Variants in ZBTB44 observed in about 807,000 individuals in gnomAD.
ZBTB44 encodes the protein zinc finger and BTB domain containing 44, also known as zinc finger and BTB domain-containing protein 44.
In ZBTB44, 15 loss-of-function variants were observed where a neutral mutation model predicts 54.0. That is an observed-to-expected ratio of 0.28 (90% confidence interval 0.19 to 0.43). ZBTB44 has a LOEUF of 0.43. Among genes scored for constraint, ZBTB44 ranks in the 20% least tolerant of loss-of-function variants. The probability of loss-of-function intolerance (pLI) is 1.00; values close to 1 mark genes in which losing one functional copy is unlikely to be tolerated. For synonymous variants in ZBTB44, 230 were observed against 250.1 expected (o/e 0.92, Z 0.76); for missense variants, 487 against 707.1 (o/e 0.69, Z 3.53).
chr11:130,307,029 A>G (rs1942304331), intron 1 of ZBTB44, among the ~76,000 whole-genome samples: 2 of 151,314 alleles, frequency 1.3e-5, no homozygotes, highest in Middle Eastern at 3.4e-3. Context: ...CTGCACCCCC[A>G]AAACTATCAA....
intron 1 of ZBTB44, among the ~76,000 whole-genome samples, chr11:130,287,003 A>G (rs1438243436): frequency 6.6e-6 from 1 of 152,204 alleles, no homozygotes; most frequent in Non-Finnish European, 1.5e-5. Flanking sequence ...CTGAATGTCA[A>G]TTCTGGGCTT....
chr11:130,310,473 C>A (rs1942527542), intron 1 of ZBTB44: 1 of 147,716 alleles, frequency 6.8e-6, no homozygotes, highest in Admixed American at 6.7e-5. Flanking sequence ...AATCCCCCGT[C>A]TTTAAAAAAA....
In ZBTB44 at chr11:130,230,081, GTC is replaced by G. The variant is rs1013315211; in HGVS notation, c.*1681_*1682del. The stretch of plus-strand genomic sequence containing the variant: ...TTAGGATTATTCATTCAAGTAATAA[GTC>G]TCTGTTACAGAATTGCCACATTATA... On this transcript the variant is annotated 3_prime_UTR_variant, in exon 8 of 8. Coordinates refer to ENST00000357899, the MANE Select transcript of ZBTB44 (RefSeq NM_001301098.2). 2.4e-4 allele frequency: 37 copies of G among 152,130 alleles called. No homozygotes were observed. Among genetic ancestry groups the G allele is most frequent in the African/African-American group, 8.2e-4 (34 of 41,554 alleles). 9.4% of individuals were successfully genotyped at this position (152,130 alleles called of 1,614,324 possible). A position where few individuals can be genotyped will look rare whatever the true frequency, so the allele number is the denominator to read the frequency against.
intron 1 of ZBTB44, among the ~76,000 whole-genome samples, chr11:130,304,411 A>T (rs966734816): frequency 6.6e-6 from 1 of 152,184 alleles, no homozygotes; most frequent in Non-Finnish European, 1.5e-5. Flanking sequence ...TATTGGAAGG[A>T]GCTTAATTAG....
At position 130,244,739 on chromosome 11, in the gene ZBTB44, C is replaced by T. The variant is rs115295024; in HGVS notation, c.1019-4843G>A. Reference sequence around the variant, plus strand: ...TTGTACACCACTACATACATGTGAACATTTAATAAGTATCATCTGCTAATG... The same window carrying T: ...TTGTACACCACTACATACATGTGAATATTTAATAAGTATCATCTGCTAATG... On this transcript the variant is annotated intron_variant, in intron 2 of 7. Coordinates refer to ENST00000357899, the MANE Select transcript of ZBTB44 (RefSeq NM_001301098.2). 5.2e-3 allele frequency among the ~76,000 whole-genome samples: 785 copies of T among 150,058 alleles called. 12 individuals are homozygous for T. The highest frequency in any genetic ancestry group is 0.018 in the African/African-American group (754 of 40,880).
Position 130,291,894 on chromosome 11 carries a change from G to C in ZBTB44, c.-57+22481C>G, listed in dbSNP as rs536000771. Among the ~76,000 whole-genome samples the C allele has an allele frequency of 5.9e-5, 9 of 152,232 alleles. No individual in the cohort carries two copies. The South Asian group carries it at 8.3e-4, about 14-fold the overall frequency. On this transcript the variant is annotated intron_variant, in intron 1 of 7. Coordinates refer to ENST00000357899, the MANE Select transcript of ZBTB44 (RefSeq NM_001301098.2). The stretch of plus-strand genomic sequence containing the variant: ...TATATCACCACCACAATCAAGATAA[G>C]GAATACTGCCACAATTTCTGTAAGT...
intron 2 of ZBTB44, among the ~76,000 whole-genome samples, chr11:130,249,329 G>A (rs1937798172): frequency 6.6e-6 from 1 of 152,176 alleles, no homozygotes; most frequent in South Asian, 2.1e-4. Context: ...TGGTAGTTTA[G>A]TAAAAACTTG....
chr11:130,301,647 G>A (rs148672570), intron 1 of ZBTB44, among the ~76,000 whole-genome samples: 6 of 152,224 alleles, frequency 3.9e-5, no homozygotes, highest in African/African-American at 1.2e-4. Flanking sequence ...CTGGGCAATT[G>A]AGCCAGATTC....
In ZBTB44 at chr11:130,230,635, T is replaced by C. The variant is rs1259559469; in HGVS notation, c.*1129A>G. 4.6e-5 allele frequency: 7 copies of C among 151,496 alleles called. No homozygotes were observed. The highest frequency in any genetic ancestry group is 1.0e-4 in the Non-Finnish European group (7 of 67,794). The allele number at this position is 151,496 out of a possible 1,614,324, so 9.4% of individuals were successfully genotyped here. On this transcript the variant is annotated 3_prime_UTR_variant, in exon 8 of 8. Transcript: ENST00000357899. ...AACTAATTACTTGAAATAAAAAGAT[T>C]ACTTGAAATTCAAATTAAGAAAAAT...
In ZBTB44 at chr11:130,261,058, A is replaced by C. The variant is rs1056671730; in HGVS notation, c.816T>G (p.Cys272Trp). 5.0e-6 allele frequency: 8 copies of C among 1,613,874 alleles called. No homozygotes were observed. Among genetic ancestry groups the C allele is most frequent in the Non-Finnish European group, 6.8e-6 (8 of 1,179,886 alleles). The change falls in exon 2 of 8, where the codon TGT becomes TGG. Residue 272 changes from cysteine to tryptophan, a missense_variant. Coordinates refer to ENST00000357899, the MANE Select transcript of ZBTB44 (RefSeq NM_001301098.2). This position sits in a 1 kb window ranked among gnomAD's most constrained non-coding sequence, Gnocchi z 4.8. ...TGRRMADYVT[C>W]ESTKTTLPLG... ...AAGGCAAGGTAGTTTTTGTGCTCTC[A>C]CAAGTCACATAATCAGCCATTCTTC...
At chr11:130,302,502 C>T (rs752437560) in intron 1 of ZBTB44, among the ~76,000 whole-genome samples, 14 of 152,074 alleles carry the variant, frequency 9.2e-5, no homozygotes, top group East Asian at 3.9e-4. Context: ...CAAAAGAAAC[C>T]GTCCTGATTC....
At chr11:130,266,199 T>C (rs1344082979) in intron 1 of ZBTB44, among the ~76,000 whole-genome samples, 1 of 152,252 alleles carries the variant, frequency 6.6e-6, no homozygotes, top group East Asian at 1.9e-4. Context: ...CAATCTATTC[T>C]GCCTGTGCTC....
chr11:130,249,734 C>T (rs1254543652), intron 2 of ZBTB44, among the ~76,000 whole-genome samples: 1 of 152,238 alleles, frequency 6.6e-6, no homozygotes, highest in Non-Finnish European at 1.5e-5. Context: ...GGCCCAGATA[C>T]TACGCTTTTC....
intron 2 of ZBTB44, among the ~76,000 whole-genome samples, chr11:130,259,912 CTG>C (rs929401629): frequency 1.3e-5 from 2 of 151,256 alleles, no homozygotes; most frequent in East Asian, 1.9e-4. Context: ...TGTAACAAAA[CTG>C]AACGTTCTGC....
At chr11:130,259,462 C>A (rs1414466216) in intron 2 of ZBTB44, among the ~76,000 whole-genome samples, 1 of 152,190 alleles carries the variant, frequency 6.6e-6, no homozygotes, top group African/African-American at 2.4e-5. Flanking sequence ...GGTATACACC[C>A]AAAGGATTAT....
intron 1 of ZBTB44, among the ~76,000 whole-genome samples, chr11:130,284,008 C>G (rs1439892633): frequency 8.3e-6 from 1 of 121,078 alleles, no homozygotes; most frequent in African/African-American, 3.6e-5. Flanking sequence ...AGGCAAGCAG[C>G]TGGGCACGGT....
intron 1 of ZBTB44, among the ~76,000 whole-genome samples, chr11:130,280,330 G>C (rs1409488900): frequency 1.3e-5 from 2 of 152,150 alleles, no homozygotes; most frequent in African/African-American, 2.4e-5. Context: ...ACGTTAAAGG[G>C]GAAAGGTTGG....
intron 1 of ZBTB44, among the ~76,000 whole-genome samples, chr11:130,277,424 T>C (rs904104729): frequency 6.6e-6 from 1 of 152,206 alleles, no homozygotes; most frequent in Non-Finnish European, 1.5e-5. Context: ...GTTACAGATA[T>C]CATATCTGCT....
chr11:130,278,318 A>G (rs1488818863), intron 1 of ZBTB44, among the ~76,000 whole-genome samples: 1 of 152,216 alleles, frequency 6.6e-6, no homozygotes, highest in Non-Finnish European at 1.5e-5. Context: ...ACCTCATATG[A>G]TTTATTGAAT....
Sources: allele counts gnomAD v4.1 joint callset (sites outside exome capture counted in the v4.1 genomes callset), GRCh38; gene constraint gnomAD v4.1.1; non-coding constraint Gnocchi (gnomAD v3.1); transcripts MANE v1.5; gene names NCBI Gene and HGNC (gene_info 2026-07-23, HGNC 2026-07-21).